Variants in GRIK4 observed in about 807,000 individuals in gnomAD.
The protein encoded by GRIK4 is glutamate ionotropic receptor kainate type subunit 4.
In GRIK4, 40 loss-of-function variants were observed where a neutral mutation model predicts 104.9. The ratio of observed to expected loss-of-function variants is 0.38; its 90% CI spans 0.30 to 0.50. The LOEUF is 0.50. GRIK4 is among the 20% of genes least tolerant of loss of function. GRIK4 has a pLI of 0.93. For missense variants in GRIK4, 1,047 were observed against 1,308.1 expected (o/e 0.80, Z 3.08); for synonymous variants, 485 against 524.9 (o/e 0.92, Z 1.04).
intron 9 of GRIK4, chr11:120,871,230 T>C (rs962370910): frequency 1.2e-5 from 2 of 172,666 alleles, no homozygotes; most frequent in Non-Finnish European, 2.5e-5. Context: ...TAACTTGCTG[T>C]CAATTTGTCT....
At chr11:120,671,611 G>A (rs10790392) in intron 3 of GRIK4, among the ~76,000 whole-genome samples, 19,420 of 152,162 alleles carry the variant, frequency 0.13, 1,354 homozygotes, top group South Asian at 0.23. Flanking sequence ...TAAGTTCCTT[G>A]TAGATTCTGG....
chr11:120,775,589 G>T (rs950900235), intron 3 of GRIK4, among the ~76,000 whole-genome samples: 2 of 152,250 alleles, frequency 1.3e-5, no homozygotes, highest in Non-Finnish European at 2.9e-5. Flanking sequence ...CAAAGAAAAA[G>T]AGAATTTACA....
intron 1 of GRIK4, among the ~76,000 whole-genome samples, chr11:120,618,946 C>G (rs1338637588): frequency 6.6e-6 from 1 of 152,210 alleles, no homozygotes; most frequent in Non-Finnish European, 1.5e-5. Flanking sequence ...GGAGCCTCCA[C>G]ATGGGGCACT....
intron 1 of GRIK4, among the ~76,000 whole-genome samples, chr11:120,573,661 A>T (rs1164024147): frequency 6.6e-6 from 1 of 152,214 alleles, no homozygotes; most frequent in African/African-American, 2.4e-5. Context: ...ACATGGGGAA[A>T]ACTAGAAACA....
chr11:120,612,804 C>T (rs947126862), intron 1 of GRIK4, among the ~76,000 whole-genome samples: 10 of 152,316 alleles, frequency 6.6e-5, no homozygotes, highest in African/African-American at 2.2e-4. Flanking sequence ...AGAGTGCTCC[C>T]TGCTGACTCT....
At chr11:120,577,807 G>C (rs971602370) in intron 1 of GRIK4, among the ~76,000 whole-genome samples, 1 of 152,192 alleles carries the variant, frequency 6.6e-6, no homozygotes, top group African/African-American at 2.4e-5. Context: ...GGGGCAGGTG[G>C]GTGTTTAGCT....
At chr11:120,871,859 G>A (rs1184380520) in intron 9 of GRIK4, 1 of 456,336 alleles carries the variant, frequency 2.2e-6, no homozygotes, top group Admixed American at 2.3e-5. Context: ...TTGTGATGCG[G>A]GTGAACTTGG....
intron 19 of GRIK4, among the ~76,000 whole-genome samples, chr11:120,973,985 G>A (rs1944519246): frequency 6.6e-6 from 1 of 151,370 alleles, no homozygotes; most frequent in Admixed American, 6.6e-5. Flanking sequence ...TTGACTCACT[G>A]CAACCTTCAC....
At chr11:120,615,332 G>A (rs1006858627) in intron 1 of GRIK4, among the ~76,000 whole-genome samples, 2 of 152,174 alleles carry the variant, frequency 1.3e-5, no homozygotes, top group Admixed American at 1.3e-4. Flanking sequence ...GAGCGGGTTG[G>A]GTGGGCTACT....
intron 3 of GRIK4, among the ~76,000 whole-genome samples, chr11:120,673,425 C>G (rs1316451185): frequency 6.6e-6 from 1 of 152,194 alleles, no homozygotes; most frequent in African/African-American, 2.4e-5. Flanking sequence ...GCTGCTGGCT[C>G]CCTGTCCCCA....
At position 120,940,252 on chromosome 11, in the gene GRIK4, C is replaced by A; in HGVS notation, c.1477-95C>A. The A allele has an allele frequency of 1.4e-6, 1 of 717,536 alleles. No homozygotes were observed. The highest frequency in any genetic ancestry group is 1.7e-5 in the South Asian group (1 of 57,596). The allele number at this position is 717,536 out of a possible 1,614,324, so 44.4% of individuals were successfully genotyped here. On this transcript the variant is annotated intron_variant, in intron 13 of 20. Coordinates refer to ENST00000527524, the MANE Select transcript of GRIK4 (RefSeq NM_014619.5). This position sits in a 1 kb window ranked among gnomAD's most constrained non-coding sequence, Gnocchi z 4.3. ...CTCAAGCAAGAAGCCAGACCAGCAT[C>A]ACATCTCCAATAGCAGTGACGGTTG...
intron 14 of GRIK4, among the ~76,000 whole-genome samples, chr11:120,951,719 A>G (rs1944005520): frequency 6.6e-6 from 1 of 152,190 alleles, no homozygotes; most frequent in African/African-American, 2.4e-5. Context: ...AGCAGCATGG[A>G]GCTGCAGAGA....
At chr11:120,764,140 C>T (rs897376118) in intron 3 of GRIK4, among the ~76,000 whole-genome samples, 1 of 152,166 alleles carries the variant, frequency 6.6e-6, no homozygotes, top group Admixed American at 6.5e-5. Flanking sequence ...GTATTGGGTG[C>T]ATATATATTT....
intron 1 of GRIK4, among the ~76,000 whole-genome samples, chr11:120,582,876 C>A (rs1948607676): frequency 6.6e-6 from 1 of 151,954 alleles, no homozygotes; most frequent in African/African-American, 2.4e-5. Context: ...GGGTATATAC[C>A]CAATAATGGG....
intron 7 of GRIK4, among the ~76,000 whole-genome samples, chr11:120,834,298 GT>G (rs1953515161): frequency 6.7e-6 from 1 of 149,168 alleles, no homozygotes; most frequent in Non-Finnish European, 1.5e-5. Context: ...GTGTGTGTGT[GT>G]GGCCATGCTT....
chr11:120,703,744 A>G (rs77341467), intron 3 of GRIK4, among the ~76,000 whole-genome samples: 2,752 of 152,214 alleles, frequency 0.018, 74 homozygotes, highest in East Asian at 0.13. Flanking sequence ...CTTAGATTGT[A>G]CCTATTATTA....
chr11:120,641,001 C>G (rs139965244), intron 1 of GRIK4, among the ~76,000 whole-genome samples: 1 of 152,230 alleles, frequency 6.6e-6, no homozygotes, highest in Non-Finnish European at 1.5e-5. Context: ...CGTGAGCCAC[C>G]GCGCCCGGCC....
At chr11:120,818,988 GC>G (rs1277894504) in intron 5 of GRIK4, among the ~76,000 whole-genome samples, 2 of 152,202 alleles carry the variant, frequency 1.3e-5, no homozygotes, top group Non-Finnish European at 2.9e-5. Flanking sequence ...CAATAAAGCA[GC>G]CATCACAGCC....
intron 3 of GRIK4, among the ~76,000 whole-genome samples, chr11:120,728,400 G>A (rs79092951): frequency 0.016 from 2,382 of 152,204 alleles, 53 homozygotes; most frequent in African/African-American, 0.053. Flanking sequence ...GTTCCCAAGA[G>A]CCCTCCTTCG....
Sources: gnomAD v4.1 joint callset for allele counts (sites outside exome capture counted in the v4.1 genomes callset) on GRCh38, gnomAD v4.1.1 for gene constraint, Gnocchi (gnomAD v3.1) non-coding constraint, MANE v1.5 for transcripts, NCBI Gene and HGNC (gene_info 2026-07-23, HGNC 2026-07-21) for gene names.